MBTPS1: variants seen among roughly 807,000 people sequenced by gnomAD.
MBTPS1 encodes membrane bound transcription factor peptidase, site 1.
In MBTPS1, 94 loss-of-function variants were observed where a neutral mutation model predicts 127.8. The observed-to-expected ratio is 0.74, with a 90% CI of 0.62 to 0.87. The LOEUF is 0.87. MBTPS1 is among the 40% of genes least tolerant of loss of function. The pLI, the probability that MBTPS1 is intolerant of heterozygous loss-of-function variation, is 0.00. For missense variants in MBTPS1, 1,636 were observed against 1,353.2 expected, an observed-to-expected ratio of 1.21 and a Z score of -3.28; for synonymous variants, 632 against 509.4, an observed-to-expected ratio of 1.24 and a Z score of -3.24.
chr16:84,081,896 C>T lies in MBTPS1; in HGVS notation c.1299G>A (p.Lys433=), dbSNP rs1213990976. 1.4e-6 allele frequency: 2 copies of T among 1,419,152 alleles called. No homozygotes were observed. Among genetic ancestry groups the T allele is most frequent in the Non-Finnish European group, 1.9e-6 (2 of 1,077,432 alleles). 87.9% of individuals were successfully genotyped at this position (1,419,152 alleles called of 1,614,324 possible). A position where few individuals can be genotyped will look rare whatever the true frequency, so the allele number is the denominator to read the frequency against. Residue 433 remains lysine (K), a synonymous_variant, in exon 11 of 23, where the codon AAG becomes AAA. Transcript: ENST00000343411. ...TACTGGCGGGATTCACCAGCTCACGCTTCTGGACTGTGCTGGAGGAAAAAT... is the reference window on the plus strand; with the variant it reads ...TACTGGCGGGATTCACCAGCTCACGTTTCTGGACTGTGCTGGAGGAAAAAT... The part of the protein sequence containing the change: ...AVTLLVSTVQ[K]RELVNPASMK...
At chr16:84,067,894 T>C (rs1597311814) in intron 15 of MBTPS1, 71 bp from the exon 16 acceptor site, 2 of 1,446,768 alleles carry the variant, frequency 1.4e-6, no homozygotes, top group East Asian at 4.7e-5. Context: ...GCAGAAACAG[T>C]GTCACCAGGT....
intron 1 of MBTPS1, among the ~76,000 whole-genome samples, chr16:84,115,774 C>T (rs1200116636): frequency 6.6e-6 from 1 of 152,018 alleles, no homozygotes; most frequent in Admixed American, 6.5e-5. Context: ...CTTGGGGTAA[C>T]GGAAATGTTC....
In MBTPS1 at chr16:84,066,454, A is replaced by G. The variant is rs185445856; in HGVS notation, c.2353+35T>C. On this transcript the variant is annotated intron_variant, in intron 17 of 22. Coordinates refer to ENST00000343411, the MANE Select transcript of MBTPS1 (RefSeq NM_003791.4). ...AGAGGTGTAGAGCTTCTGCTCTCAC[A>G]CCTAAGACCACGCCCTCAGGAAACA... 7.5e-6 allele frequency: 12 copies of G among 1,610,242 alleles called. No homozygotes were observed. The East Asian group carries it at 2.7e-4, about 36-fold the overall frequency.
At chr16:84,108,751 G>A (rs2086359324) in intron 1 of MBTPS1, among the ~76,000 whole-genome samples, 1 of 152,328 alleles carries the variant, frequency 6.6e-6, no homozygotes, top group Admixed American at 6.5e-5. Flanking sequence ...GGGGGTCAGA[G>A]CCTGGCAAGT....
chr16:84,066,486 T>C lies in MBTPS1; in HGVS notation c.2353+3A>G, dbSNP rs1404718723. On this transcript the variant is annotated splice_donor_region_variant and intron_variant, in intron 17 of 22. Transcript: ENST00000343411. ...ACCACGCCCTCAGGAAACAGAGCCT[T>C]ACTGTCATGGTTGGCCAGGGTGAAC... The C allele has an allele frequency of 6.2e-7, 1 of 1,613,958 alleles. No individual in the cohort carries two copies. The highest frequency in any genetic ancestry group is 1.7e-5 in the Admixed American group (1 of 60,008).
chr16:84,085,506 G>C (rs1022212056), intron 9 of MBTPS1, among the ~76,000 whole-genome samples: 23 of 150,790 alleles, frequency 1.5e-4, no homozygotes, highest in Admixed American at 1.4e-3. Context: ...AGGGAGCCGT[G>C]ATTGTGCCAC....
At chr16:84,095,577 A>C (rs1455540432) in intron 4 of MBTPS1, 25 bp downstream of exon 4, 1 of 1,609,610 alleles carries the variant, frequency 6.2e-7, no homozygotes, top group African/African-American at 1.3e-5. Context: ...TCCCATAAGC[A>C]CCTTCCCTGG....
intron 11 of MBTPS1, among the ~76,000 whole-genome samples, chr16:84,077,604 C>G (rs150002891): frequency 1.3e-5 from 2 of 152,168 alleles, no homozygotes; most frequent in South Asian, 4.1e-4. Context: ...CCAAATGGAT[C>G]AAGGAATTTC....
rs1465655219 is a variant in MBTPS1, at chr16:84,068,539, G to C, written c.1956-85C>G. On this transcript the variant is annotated intron_variant, in intron 14 of 22. Transcript: ENST00000343411. Reference sequence around the variant, plus strand: ...TCTGGCCACAGGGCCGGCTCTGCAAGAGCACCATGCCATGGCCCACAGAGA... The same window carrying C: ...TCTGGCCACAGGGCCGGCTCTGCAACAGCACCATGCCATGGCCCACAGAGA... The C allele has an allele frequency of 3.3e-6, 3 of 910,566 alleles. No homozygotes were observed. The African/African-American group carries it at 4.9e-5, about 15-fold the overall frequency. 56.4% of individuals were successfully genotyped at this position (910,566 alleles called of 1,614,324 possible). A position where few individuals can be genotyped will look rare whatever the true frequency, so the allele number is the denominator to read the frequency against.
intron 9 of MBTPS1, among the ~76,000 whole-genome samples, chr16:84,086,806 CTT>C (rs2151159741): frequency 6.6e-6 from 1 of 152,330 alleles, no homozygotes; most frequent in East Asian, 1.9e-4. Flanking sequence ...TTTCATCAAA[CTT>C]TGACAGGTAA....
At chr16:84,088,721 C>A (rs568371796) in intron 8 of MBTPS1, among the ~76,000 whole-genome samples, 2 of 152,116 alleles carry the variant, frequency 1.3e-5, no homozygotes, top group Admixed American at 1.3e-4. Context: ...CAAAGGGGAC[C>A]GGAGGATGTG....
chr16:84,057,612 A>G (rs1252333808), intron 21 of MBTPS1: 1 of 152,254 alleles, frequency 6.6e-6, no homozygotes, highest in Non-Finnish European at 1.5e-5. Flanking sequence ...GCCTGCCCCC[A>G]GCACTGGGCT....
At chr16:84,103,214 G>C (rs1329337170) in intron 1 of MBTPS1, among the ~76,000 whole-genome samples, 1 of 151,882 alleles carries the variant, frequency 6.6e-6, no homozygotes, top group Non-Finnish European at 1.5e-5. Context: ...AATGAAGCAA[G>C]AGAGGCCTTC....
intron 12 of MBTPS1, 151 bp downstream of exon 12, chr16:84,074,446 C>G (rs1192352023): frequency 1.5e-6 from 1 of 647,718 alleles, no homozygotes; most frequent in Non-Finnish European, 2.6e-6. Flanking sequence ...GTTGCTCAGG[C>G]TGGTCTTAAA....
chr16:84,107,076 G>A (rs1160881759), intron 1 of MBTPS1, among the ~76,000 whole-genome samples: 1 of 152,178 alleles, frequency 6.6e-6, no homozygotes, highest in African/African-American at 2.4e-5. Flanking sequence ...ACGGCTTAGG[G>A]CAGAATCCCG....
intron 22 of MBTPS1, among the ~76,000 whole-genome samples, chr16:84,055,265 C>G (rs1269627444): frequency 6.6e-6 from 1 of 152,198 alleles, no homozygotes; most frequent in Non-Finnish European, 1.5e-5. Flanking sequence ...GACCCTGGCA[C>G]CACCACGTGG....
intron 1 of MBTPS1, among the ~76,000 whole-genome samples, chr16:84,110,440 A>G (rs971056439): frequency 6.6e-6 from 1 of 152,218 alleles, no homozygotes. Context: ...ATCCAATAAA[A>G]TAAGTACTCT....
intron 12 of MBTPS1, among the ~76,000 whole-genome samples, chr16:84,071,229 G>A (rs1256236883): frequency 1.3e-5 from 2 of 152,218 alleles, no homozygotes; most frequent in African/African-American, 4.8e-5. Context: ...GCTGGAAAGA[G>A]GTGGCCGGAG....
intron 16 of MBTPS1, 98 bp from the exon 17 acceptor site, chr16:84,066,711 A>C: frequency 8.2e-7 from 1 of 1,225,556 alleles, no homozygotes; most frequent in South Asian, 1.5e-5. Flanking sequence ...CTCCTGCCAC[A>C]ATCCAGTCCT....
Sources: gnomAD v4.1 joint callset for allele counts (sites outside exome capture counted in the v4.1 genomes callset) on GRCh38, gnomAD v4.1.1 for gene constraint, MANE v1.5 for transcripts, NCBI Gene and HGNC (gene_info 2026-07-23, HGNC 2026-07-21) for gene names.